Variants in PCDH15 observed in about 807,000 individuals in gnomAD.
PCDH15 encodes the protein protocadherin related 15, also known as protocadherin-15.
PCDH15 carries 129 observed loss-of-function variants against 178.5 expected under a neutral mutation model. The observed-to-expected ratio is 0.72, with a 90% CI of 0.63 to 0.84. The LOEUF (loss-of-function observed/expected upper bound fraction) is 0.84, where lower values mean the gene tolerates loss of function less well. PCDH15 is among the 40% of genes least tolerant of loss of function. The probability of loss-of-function intolerance (pLI) is 0.00; values close to 1 mark genes in which losing one functional copy is unlikely to be tolerated. For missense variants in PCDH15, 2,230 were observed against 2,099.9 expected, an observed-to-expected ratio of 1.06 and a Z score of -1.21; for synonymous variants, 800 against 732.0, an observed-to-expected ratio of 1.09 and a Z score of -1.50.
chr10:55,296,733 C>T (rs576971588), intron 1 of PCDH15, among the ~76,000 whole-genome samples: 2 of 151,920 alleles, frequency 1.3e-5, no homozygotes, highest in Non-Finnish European at 2.9e-5. Flanking sequence ...TTTTTTTAAA[C>T]TTAGACATAG....
At chr10:54,703,355 C>T (rs1245806145) in intron 1 of PCDH15, among the ~76,000 whole-genome samples, 2 of 151,852 alleles carry the variant, frequency 1.3e-5, no homozygotes, top group African/African-American at 4.8e-5. Flanking sequence ...TCCTATTTAA[C>T]ATAGTACTTC....
intron 32 of PCDH15, chr10:53,822,752 T>C (rs147993163): frequency 1.2e-6 from 2 of 1,614,116 alleles, no homozygotes; most frequent in Non-Finnish European, 1.7e-6. Context: ...ATGAAGAGTC[T>C]GAAGAGAGAG....
chr10:55,425,625 G>A (rs532195528), intron 2 of PCDH15, among the ~76,000 whole-genome samples: 1 of 151,196 alleles, frequency 6.6e-6, no homozygotes, highest in East Asian at 1.9e-4. Flanking sequence ...AAATCTTGTG[G>A]GTCTGAGAAG....
At chr10:54,570,724 C>T (rs1357480906) in intron 2 of PCDH15, among the ~76,000 whole-genome samples, 1 of 152,106 alleles carries the variant, frequency 6.6e-6, no homozygotes, top group Non-Finnish European at 1.5e-5. Context: ...GTGATCTCCT[C>T]TCACTGCAAC....
In PCDH15 at chr10:54,008,398, T is replaced by C. The variant is rs566198621; in HGVS notation, c.2751+11794A>G. ...AGAAGCGTTAAGTAATACCCCCATA[T>C]TGAAATAAAGGGATGTTGAGGCAAC... On this transcript the variant is annotated intron_variant, in intron 20 of 37. Transcript: ENST00000644397. Among the ~76,000 whole-genome samples the C allele has an allele frequency of 5.3e-5, 8 of 152,256 alleles. 1 individual carries two copies. In the East Asian group the frequency reaches 1.5e-3, roughly 29 times the overall value.
rs149762186 is a variant in PCDH15 at position 55,201,383 on chromosome 10, T to C, written c.-155-34732A>G. ...TATGCATACTAGTTTAAGTTGTGTT[T>C]CTGTTACTTGCAATTGAGGGGGGAA... On this transcript the variant is annotated intron_variant, in intron 1 of 5. Coordinates refer to the PCDH15 transcript ENST00000458638. Among the ~76,000 whole-genome samples, 738 of 152,260 alleles carry C rather than the reference T, an allele frequency of 4.8e-3. 11 individuals are homozygous for C. The highest frequency in any genetic ancestry group is 0.017 in the African/African-American group (698 of 41,510).
At chr10:54,055,769 A>G (rs148754646) in intron 18 of PCDH15, among the ~76,000 whole-genome samples, 4 of 152,288 alleles carry the variant, frequency 2.6e-5, no homozygotes, top group Non-Finnish European at 5.9e-5. Flanking sequence ...TTTTTCTTTT[A>G]TGCTGAATTA....
At chr10:55,174,736 C>A (rs1244681825) in intron 1 of PCDH15, among the ~76,000 whole-genome samples, 2 of 152,136 alleles carry the variant, frequency 1.3e-5, no homozygotes, top group Non-Finnish European at 2.9e-5. Flanking sequence ...TCCTCCCTAT[C>A]CATGTTCTTT....
chr10:54,472,652 T>G (rs2077997461), intron 3 of PCDH15, among the ~76,000 whole-genome samples: 1 of 152,106 alleles, frequency 6.6e-6, no homozygotes, highest in African/African-American at 2.4e-5. Context: ...AAAATTAAAA[T>G]TAAAATAAAA....
chr10:53,856,849 G>A (rs1287695872), intron 28 of PCDH15, among the ~76,000 whole-genome samples: 1 of 152,070 alleles, frequency 6.6e-6, no homozygotes, highest in African/African-American at 2.4e-5. Flanking sequence ...GATTAAAATT[G>A]TGGTTGTTCA....
In PCDH15 at chr10:55,481,155, T is replaced by C. The variant is rs1471033129; in HGVS notation, c.-156+146470A>G. ...GTTCATAATATTCTCTGATGGTTGT[T>C]TGTATTTCTGTGGGGTCATTGGTAA... is the stretch of plus-strand genomic sequence containing the variant. On this transcript the variant is annotated intron_variant, in intron 2 of 5. Transcript: ENST00000613346. Among the ~76,000 whole-genome samples the C allele has an allele frequency of 1.6e-4, 24 of 151,922 alleles. 1 individual carries two copies. The highest frequency in any genetic ancestry group is 3.5e-4 in the Non-Finnish European group (24 of 67,896).
At chr10:55,127,966 T>C (rs746095799) in intron 2 of PCDH15, among the ~76,000 whole-genome samples, 9 of 152,062 alleles carry the variant, frequency 5.9e-5, no homozygotes, top group African/African-American at 1.7e-4. Context: ...TTTTCAAGAT[T>C]GTGAAATCTA....
intron 13 of PCDH15, among the ~76,000 whole-genome samples, chr10:54,156,067 T>C (rs1393702432): frequency 6.6e-6 from 1 of 152,232 alleles, no homozygotes; most frequent in Non-Finnish European, 1.5e-5. Flanking sequence ...ATATTTTGCT[T>C]ACAAGTTTCA....
In PCDH15 at chr10:55,507,588, C is replaced by T. The variant is rs144649143; in HGVS notation, c.-156+120037G>A. ...TTTTAAAATTTGAGATGGAGTTTCA[C>T]TCTTGTCGCCCAAGCTGGAGTGCAA... On this transcript the variant is annotated intron_variant, in intron 2 of 5. Transcript: ENST00000613346. Among the ~76,000 whole-genome samples the T allele has an allele frequency of 1.1e-3, 160 of 151,412 alleles. No homozygotes were observed. In the East Asian group the frequency reaches 0.014, roughly 14 times the overall value.
intron 16 of PCDH15, among the ~76,000 whole-genome samples, chr10:54,087,077 T>C (rs2094527269): frequency 6.6e-6 from 1 of 152,130 alleles, no homozygotes; most frequent in African/African-American, 2.4e-5. Context: ...GAATAGAAAT[T>C]CTTAAGAGAC....
chr10:54,831,190 T>C (rs975093358), intron 3 of PCDH15, among the ~76,000 whole-genome samples: 2 of 152,030 alleles, frequency 1.3e-5, no homozygotes, highest in African/African-American at 2.4e-5. Flanking sequence ...TGTAAGATAA[T>C]TTTTTTATTC....
chr10:55,198,878 C>A (rs888582885), intron 1 of PCDH15, among the ~76,000 whole-genome samples: 2 of 152,076 alleles, frequency 1.3e-5, no homozygotes, highest in Admixed American at 6.5e-5. Context: ...TTCCCCTTTG[C>A]CTTCGCCATG....
At chr10:53,844,186 T>C (rs2077830730) in intron 28 of PCDH15, among the ~76,000 whole-genome samples, 1 of 152,070 alleles carries the variant, frequency 6.6e-6, no homozygotes, top group Non-Finnish European at 1.5e-5. Flanking sequence ...GCATTGTTTT[T>C]TGTTCTGAGT....
chr10:54,302,904 A>G (rs1434274429), intron 8 of PCDH15, among the ~76,000 whole-genome samples: 1 of 152,172 alleles, frequency 6.6e-6, no homozygotes, highest in Non-Finnish European at 1.5e-5. Context: ...TTACAAGCCT[A>G]TATCAAAGTG....
Sources: gnomAD v4.1 joint callset for allele counts (sites outside exome capture counted in the v4.1 genomes callset) on GRCh38, gnomAD v4.1.1 for gene constraint, MANE v1.5 for transcripts, NCBI Gene and HGNC (gene_info 2026-07-23, HGNC 2026-07-21) for gene names.